The following CYFIP1 variants were observed in gnomAD, a reference collection of about 807,000 sequenced individuals.
CYFIP1 encodes the protein cytoplasmic FMR1-interacting protein 1.
CYFIP1 carries 58 observed loss-of-function variants against 163.5 expected under a neutral mutation model. The ratio of observed to expected loss-of-function variants is 0.35; its 90% CI spans 0.29 to 0.44. The LOEUF is 0.44. Among genes scored for constraint, CYFIP1 ranks in the 20% least tolerant of loss-of-function variants. CYFIP1 has a pLI of 1.00. For missense variants in CYFIP1, 1,338 were observed against 1,653.8 expected, an observed-to-expected ratio of 0.81 and a Z score of 3.31; for synonymous variants, 663 against 660.7, an observed-to-expected ratio of 1.00 and a Z score of -0.05.
At chr15:22,910,709 G>A (rs72698053) in intron 19 of CYFIP1, 28 bp downstream of exon 19, 161,047 of 1,608,046 alleles carry the variant, frequency 0.1, 9,401 homozygotes, top group African/African-American at 0.22. Flanking sequence ...GAAACGTTTT[G>A]TATCAAAATC....
chr15:22,920,493 G>A (rs2061139134), intron 13 of CYFIP1, among the ~76,000 whole-genome samples: 1 of 152,048 alleles, frequency 6.6e-6, no homozygotes, highest in Non-Finnish European at 1.5e-5. Flanking sequence ...TGATTCATGG[G>A]TAAATGAAGA....
chr15:22,883,695 T>C (rs769097278), intron 23 of CYFIP1, among the ~76,000 whole-genome samples: 174 of 151,478 alleles, frequency 1.1e-3, no homozygotes, highest in Non-Finnish European at 2.1e-3. Flanking sequence ...CAGGTGCCTG[T>C]AGTCCCAGCT....
chr15:22,977,059 C>T (rs1284911776), intron 1 of CYFIP1, among the ~76,000 whole-genome samples: 2 of 152,126 alleles, frequency 1.3e-5, no homozygotes, highest in Non-Finnish European at 2.9e-5. Flanking sequence ...ATTAGCCAGA[C>T]ATGGTGGCAC....
intron 25 of CYFIP1, among the ~76,000 whole-genome samples, chr15:22,881,463 A>G (rs28555259): frequency 0.018 from 2,713 of 152,068 alleles, 87 homozygotes; most frequent in African/African-American, 0.062. Context: ...CTGGACCTGC[A>G]GATGGATGGG....
chr15:22,945,413 C>G (rs143132929), intron 3 of CYFIP1, among the ~76,000 whole-genome samples: 1 of 152,146 alleles, frequency 6.6e-6, no homozygotes, highest in South Asian at 2.1e-4. Context: ...GTTAGGAGCA[C>G]GCCCACAGCA....
Position 22,882,889 on chromosome 15 carries a change from C to T in CYFIP1, c.2799G>A (p.Leu933=). ...TCACCAGGCTCTTGACGACCTTCAG[C>T]AGCTCCTCCATGACCACGGCGATAC... The part of the protein sequence containing the change: ...YQGIAVVMEE[L]LKVVKSLLQG... The change falls in exon 24 of 31, where the codon CTG becomes CTA. Residue 933 remains leucine, a synonymous_variant. Transcript: ENST00000617928. 1 of 1,613,656 alleles carries T rather than the reference C, an allele frequency of 6.2e-7. No homozygotes were observed. Among genetic ancestry groups the T allele is most frequent in the Non-Finnish European group, 8.5e-7 (1 of 1,179,648 alleles).
At chr15:22,974,390 A>T (rs2063198393) in intron 1 of CYFIP1, among the ~76,000 whole-genome samples, 1 of 152,164 alleles carries the variant, frequency 6.6e-6, no homozygotes, top group African/African-American at 2.4e-5. Context: ...CAGCCTGGGC[A>T]ACATAGTGAT....
intron 21 of CYFIP1, among the ~76,000 whole-genome samples, chr15:22,905,630 G>A (rs1350414345): frequency 4.6e-5 from 7 of 151,720 alleles, no homozygotes; most frequent in African/African-American, 1.5e-4. Context: ...TAGTAGAGAC[G>A]GGGTTTACCA....
At chr15:22,944,066 C>T (rs1366762503) in intron 5 of CYFIP1, among the ~76,000 whole-genome samples, 2 of 151,948 alleles carry the variant, frequency 1.3e-5, no homozygotes, top group African/African-American at 4.8e-5. Flanking sequence ...TGGTGAAACC[C>T]TGTCTCCACT....
chr15:22,924,943 G>A (rs2061310633), intron 13 of CYFIP1, among the ~76,000 whole-genome samples: 1 of 152,098 alleles, frequency 6.6e-6, no homozygotes, highest in Non-Finnish European at 1.5e-5. Flanking sequence ...GTGGTGGCAT[G>A]CACCTATAGT....
intron 26 of CYFIP1, among the ~76,000 whole-genome samples, chr15:22,876,747 C>T (rs1228039400): frequency 6.6e-6 from 1 of 151,952 alleles, no homozygotes; most frequent in Non-Finnish European, 1.5e-5. Context: ...AGGAGAATCA[C>T]TTGAACCCAG....
At position 22,884,998 on chromosome 15, in the gene CYFIP1, T is replaced by C. The variant is rs1043453244; in HGVS notation, c.2677-1987A>G. 4.0e-5 allele frequency among the ~76,000 whole-genome samples: 6 copies of C among 150,766 alleles called. No homozygotes were observed. In the East Asian group the frequency reaches 5.9e-4, roughly 15 times the overall value. ...TGGGGAGGTGGGGGAGGGGGAACCA[T>C]AGGGGCAGGGCAGGCCCTGGGCCCA... On this transcript the variant is annotated intron_variant, in intron 23 of 30. Transcript: ENST00000617928.
chr15:22,882,839 T>A, intron 24 of CYFIP1, 29 bp downstream of exon 24: 1 of 1,598,676 alleles, frequency 6.3e-7, no homozygotes, highest in Non-Finnish European at 8.6e-7. Context: ...CCAGGCTGTG[T>A]GAAAGAAGCA....
At chr15:22,970,688 G>C (rs2063063807) in intron 1 of CYFIP1, among the ~76,000 whole-genome samples, 1 of 152,158 alleles carries the variant, frequency 6.6e-6, no homozygotes, top group Non-Finnish European at 1.5e-5. Context: ...TCATTCAATG[G>C]AAAAAGAATA....
At chr15:22,909,723 A>G (rs778110714) in intron 20 of CYFIP1, among the ~76,000 whole-genome samples, 1 of 151,954 alleles carries the variant, frequency 6.6e-6, no homozygotes, top group Non-Finnish European at 1.5e-5. Flanking sequence ...TTTAATTTTT[A>G]ATTTTTTTTC....
intron 1 of CYFIP1, among the ~76,000 whole-genome samples, chr15:22,957,614 C>CAACA (rs2062521159): frequency 6.6e-6 from 1 of 152,120 alleles, no homozygotes; most frequent in Non-Finnish European, 1.5e-5. Context: ...CCAGCCTGGG[C>CAACA]GACAGAGCAA....
intron 26 of CYFIP1, among the ~76,000 whole-genome samples, chr15:22,879,609 C>T (rs1196969106): frequency 2.0e-5 from 3 of 151,314 alleles, no homozygotes; most frequent in African/African-American, 7.3e-5. Context: ...CGCAGCAATG[C>T]CTTATACCTT....
intron 1 of CYFIP1, among the ~76,000 whole-genome samples, chr15:22,955,055 C>T (rs2062396244): frequency 6.6e-6 from 1 of 152,214 alleles, no homozygotes; most frequent in Non-Finnish European, 1.5e-5. Context: ...CCCAGATGGG[C>T]TTCAAGGGAC....
chr15:22,886,478 G>A (rs532586844), intron 23 of CYFIP1, among the ~76,000 whole-genome samples: 10 of 152,178 alleles, frequency 6.6e-5, no homozygotes, highest in African/African-American at 2.4e-4. Flanking sequence ...ATCAAATCTT[G>A]ATATATTTAC....
Sources: allele counts gnomAD v4.1 joint callset (sites outside exome capture counted in the v4.1 genomes callset), GRCh38; gene constraint gnomAD v4.1.1; transcripts MANE v1.5; gene names NCBI Gene and HGNC (gene_info 2026-07-23, HGNC 2026-07-21).